FBXL17: variants seen among roughly 807,000 people sequenced by gnomAD.
FBXL17 encodes F-box and leucine rich repeat protein 17.
In FBXL17, 22 loss-of-function variants were observed where a neutral mutation model predicts 66.2. The observed-to-expected ratio is 0.33, with a 90% CI of 0.24 to 0.47. The LOEUF is 0.47. Among genes scored for constraint, FBXL17 ranks in the 20% least tolerant of loss-of-function variants. FBXL17 has a pLI of 1.00. For missense variants in FBXL17, 878 were observed against 948.2 expected (o/e 0.93, Z 0.97); for synonymous variants, 474 against 400.5 (o/e 1.18, Z -2.19).
At chr5:108,266,442 G>A (rs1580715158) in intron 4 of FBXL17, among the ~76,000 whole-genome samples, 3 of 151,908 alleles carry the variant, frequency 2.0e-5, no homozygotes, top group Admixed American at 6.6e-5. Flanking sequence ...CACAAATGTC[G>A]ACACTACACA....
At chr5:108,092,013 C>T (rs1749204599) in intron 6 of FBXL17, among the ~76,000 whole-genome samples, 1 of 152,098 alleles carries the variant, frequency 6.6e-6, no homozygotes, top group Non-Finnish European at 1.5e-5. Context: ...CAATATCTTT[C>T]CTCTGTTTAT....
intron 7 of FBXL17, among the ~76,000 whole-genome samples, chr5:107,898,829 A>C (rs1749472065): frequency 6.6e-6 from 1 of 152,172 alleles, no homozygotes; most frequent in African/African-American, 2.4e-5. Context: ...ATAGTATTCC[A>C]TGGTGTGTAT....
At chr5:108,360,700 C>T (rs1269090842) in intron 3 of FBXL17, among the ~76,000 whole-genome samples, 1 of 152,060 alleles carries the variant, frequency 6.6e-6, no homozygotes, top group Non-Finnish European at 1.5e-5. Context: ...TCCTTTCCTT[C>T]TGGAATTAGC....
At chr5:108,042,183 C>T (rs561126884) in intron 6 of FBXL17, among the ~76,000 whole-genome samples, 83 of 152,288 alleles carry the variant, frequency 5.5e-4, no homozygotes, top group Non-Finnish European at 1.1e-3. Context: ...CGTGAGCCAC[C>T]GCTCCTGGCC....
At chr5:108,042,786 G>A (rs993078161) in intron 6 of FBXL17, among the ~76,000 whole-genome samples, 4 of 152,090 alleles carry the variant, frequency 2.6e-5, no homozygotes, top group South Asian at 2.1e-4. Context: ...TGGGTCATAC[G>A]GTAGTTGCAT....
intron 6 of FBXL17, among the ~76,000 whole-genome samples, chr5:108,150,820 CTGATTAAG>C (rs1751744865): frequency 1.3e-5 from 2 of 152,182 alleles, no homozygotes; most frequent in Non-Finnish European, 2.9e-5. Context: ...ATCTGATCAA[CTGATTAAG>C]CTGCTATCTG....
At chr5:108,324,849 G>A (rs1177357685) in intron 4 of FBXL17, among the ~76,000 whole-genome samples, 1 of 152,026 alleles carries the variant, frequency 6.6e-6, no homozygotes, top group Non-Finnish European at 1.5e-5. Flanking sequence ...TGAATCTTGA[G>A]GGCATTAAGC....
intron 6 of FBXL17, among the ~76,000 whole-genome samples, chr5:108,053,197 G>C (rs960485626): frequency 3.3e-5 from 5 of 152,058 alleles, no homozygotes; most frequent in African/African-American, 1.2e-4. Flanking sequence ...ATGACAAATG[G>C]GATCTAATTA....
At chr5:108,342,412 G>A (rs1746945066) in intron 4 of FBXL17, among the ~76,000 whole-genome samples, 1 of 151,982 alleles carries the variant, frequency 6.6e-6, no homozygotes, top group Non-Finnish European at 1.5e-5. Flanking sequence ...CACTTCTGCT[G>A]GTACTTGCAG....
chr5:108,059,074 C>T (rs907089909), intron 6 of FBXL17, among the ~76,000 whole-genome samples: 58 of 152,226 alleles, frequency 3.8e-4, no homozygotes, highest in African/African-American at 1.3e-3. Context: ...AACAAAGGCT[C>T]GTTTCACTTG....
At chr5:108,207,503 C>T (rs1315407940) in intron 5 of FBXL17, among the ~76,000 whole-genome samples, 3 of 152,072 alleles carry the variant, frequency 2.0e-5, no homozygotes, top group East Asian at 1.9e-4. Context: ...CAACAGGCCC[C>T]GGAGTGTGAT....
chr5:108,258,587 T>A (rs1225018647), intron 4 of FBXL17, among the ~76,000 whole-genome samples: 1 of 152,110 alleles, frequency 6.6e-6, no homozygotes, highest in East Asian at 1.9e-4. Flanking sequence ...ATTAAGGAGA[T>A]TAAGTTGCAT....
chr5:108,182,885 A>C (rs1753062684), intron 6 of FBXL17, among the ~76,000 whole-genome samples: 3 of 152,152 alleles, frequency 2.0e-5, no homozygotes, highest in Admixed American at 2.0e-4. Context: ...CCTAAGCAAA[A>C]TATTTACTTA....
intron 4 of FBXL17, among the ~76,000 whole-genome samples, chr5:108,258,128 G>A (rs11240960): frequency 0.15 from 22,761 of 152,150 alleles, 2,000 homozygotes; most frequent in South Asian, 0.24. Context: ...TCTGGAGATA[G>A]GGTCTTTGGA....
intron 7 of FBXL17, among the ~76,000 whole-genome samples, chr5:108,005,534 G>T (rs1753891736): frequency 6.6e-6 from 1 of 152,134 alleles, no homozygotes; most frequent in South Asian, 2.1e-4. Flanking sequence ...TTCCTACAGT[G>T]GGTAAGAGCT....
intron 4 of FBXL17, among the ~76,000 whole-genome samples, chr5:108,320,321 C>T (rs1403111150): frequency 6.6e-6 from 1 of 151,516 alleles, no homozygotes; most frequent in African/African-American, 2.4e-5. Context: ...GAAAAACAAG[C>T]CAGTAATCAT....
chr5:107,932,287 T>C (rs1750762256), intron 7 of FBXL17, among the ~76,000 whole-genome samples: 1 of 152,190 alleles, frequency 6.6e-6, no homozygotes, highest in Non-Finnish European at 1.5e-5. Flanking sequence ...AATGTTCTCA[T>C]TGGTATAATT....
intron 6 of FBXL17, among the ~76,000 whole-genome samples, chr5:108,058,317 G>C (rs1249653821): frequency 6.6e-6 from 1 of 152,134 alleles, no homozygotes; most frequent in Non-Finnish European, 1.5e-5. Context: ...TTCTCGAAGA[G>C]GAACATCTTA....
intron 6 of FBXL17, among the ~76,000 whole-genome samples, chr5:108,151,809 C>G (rs1751781900): frequency 6.6e-6 from 1 of 152,170 alleles, no homozygotes; most frequent in Non-Finnish European, 1.5e-5. Flanking sequence ...GGATGATCGA[C>G]ACGCATTAAT....
Sources: gnomAD v4.1 joint callset for allele counts (sites outside exome capture counted in the v4.1 genomes callset) on GRCh38, gnomAD v4.1.1 for gene constraint, MANE v1.5 for transcripts, NCBI Gene and HGNC (gene_info 2026-07-23, HGNC 2026-07-21) for gene names.